The following CCSER1 variants were observed in gnomAD, a reference collection of about 807,000 sequenced individuals.
CCSER1 encodes the protein coiled-coil serine rich protein 1.
In CCSER1, 41 loss-of-function variants were observed where a neutral mutation model predicts 82.0. The observed-to-expected ratio is 0.50, with a 90% CI of 0.39 to 0.65. The LOEUF (loss-of-function observed/expected upper bound fraction) is 0.65. Ranked by LOEUF, CCSER1 falls within the 30% of genes least tolerant of loss-of-function variation. CCSER1 has a pLI of 0.00. For missense variants in CCSER1, 1,119 were observed against 1,064.2 expected (o/e 1.05, Z -0.72); for synonymous variants, 414 against 383.9 (o/e 1.08, Z -0.92).
At chr4:90,848,091 T>G (rs2149910732) in intron 8 of CCSER1, among the ~76,000 whole-genome samples, 1 of 152,322 alleles carries the variant, frequency 6.6e-6, no homozygotes, top group East Asian at 1.9e-4. Flanking sequence ...CATTTGTACT[T>G]CTTACACAAT....
At chr4:90,295,685 A>T (rs1731751936) in intron 1 of CCSER1, among the ~76,000 whole-genome samples, 1 of 151,950 alleles carries the variant, frequency 6.6e-6, no homozygotes, top group Non-Finnish European at 1.5e-5. Context: ...TATATTCCAG[A>T]TATTAATTAT....
intron 5 of CCSER1, among the ~76,000 whole-genome samples, chr4:90,559,054 G>A (rs7657083): frequency 0.47 from 72,025 of 151,950 alleles, 21,537 homozygotes; most frequent in African/African-American, 0.86. Context: ...CCCAGCCCAG[G>A]TCTGCCAGGG....
At chr4:91,085,566 CTTTG>C (rs746354458) in intron 9 of CCSER1, among the ~76,000 whole-genome samples, 43 of 152,144 alleles carry the variant, frequency 2.8e-4, no homozygotes, top group East Asian at 7.7e-4. Context: ...ATCAATCTGA[CTTTG>C]TTTGGGCGCT....
intron 9 of CCSER1, among the ~76,000 whole-genome samples, chr4:91,007,351 T>A (rs1264073468): frequency 6.6e-6 from 1 of 152,222 alleles, no homozygotes; most frequent in Admixed American, 6.5e-5. Context: ...TGAAATAGTT[T>A]GGGAAGAATT....
intron 10 of CCSER1, among the ~76,000 whole-genome samples, chr4:91,393,111 T>C (rs1751761626): frequency 6.6e-6 from 1 of 152,072 alleles, no homozygotes; most frequent in African/African-American, 2.4e-5. Flanking sequence ...CAAATCTGAA[T>C]CATGAATAGG....
At chr4:90,460,941 A>T (rs187723188) in intron 4 of CCSER1, among the ~76,000 whole-genome samples, 97 of 151,926 alleles carry the variant, frequency 6.4e-4, no homozygotes, top group Admixed American at 3.8e-3. Context: ...AGTCCACTAC[A>T]CTGCTACTTC....
intron 10 of CCSER1, among the ~76,000 whole-genome samples, chr4:91,248,663 G>A (rs1368996342): frequency 2.0e-5 from 3 of 152,162 alleles, no homozygotes; most frequent in African/African-American, 4.8e-5. Context: ...GACCTTAGGA[G>A]ACATGATGGT....
chr4:90,723,582 G>T (rs945650413), intron 6 of CCSER1, among the ~76,000 whole-genome samples: 1 of 151,582 alleles, frequency 6.6e-6, no homozygotes, highest in Non-Finnish European at 1.5e-5. Flanking sequence ...AATTATTACA[G>T]ATACAGTTTA....
chr4:90,288,212 G>A (rs919310968), intron 1 of CCSER1, among the ~76,000 whole-genome samples: 5 of 151,874 alleles, frequency 3.3e-5, no homozygotes, highest in Admixed American at 1.3e-4. Flanking sequence ...CTCCCTACAA[G>A]GATCTGGACC....
chr4:91,506,341 T>A (rs976071427), intron 10 of CCSER1, among the ~76,000 whole-genome samples: 2 of 152,154 alleles, frequency 1.3e-5, no homozygotes. Flanking sequence ...CGTAGCCTTG[T>A]ATTCTAGTTT....
intron 8 of CCSER1, among the ~76,000 whole-genome samples, chr4:90,901,332 G>A (rs542977728): frequency 6.6e-6 from 1 of 151,994 alleles, no homozygotes; most frequent in East Asian, 1.9e-4. Context: ...TCCCATCATA[G>A]TATTGTTAGC....
At chr4:91,245,685 GTA>G (rs753900192) in intron 10 of CCSER1, among the ~76,000 whole-genome samples, 1 of 151,676 alleles carries the variant, frequency 6.6e-6, no homozygotes. Context: ...ATATACACGT[GTA>G]TATATATATA....
intron 10 of CCSER1, among the ~76,000 whole-genome samples, chr4:91,377,967 T>C (rs527792083): frequency 1.3e-5 from 2 of 152,362 alleles, no homozygotes; most frequent in South Asian, 2.1e-4. Flanking sequence ...TTTCTACATA[T>C]GGCTAGCCAG....
intron 10 of CCSER1, among the ~76,000 whole-genome samples, chr4:91,294,815 C>T (rs12502057): frequency 0.073 from 11,061 of 151,958 alleles, 461 homozygotes; most frequent in Middle Eastern, 0.15. Context: ...TGTACAGATC[C>T]TATTTTCAAA....
At chr4:91,554,941 C>T (rs1762333942) in intron 10 of CCSER1, among the ~76,000 whole-genome samples, 1 of 151,330 alleles carries the variant, frequency 6.6e-6, no homozygotes, top group South Asian at 2.1e-4. Context: ...GGGAAAAAGA[C>T]AGTTTCTTCA....
intron 6 of CCSER1, among the ~76,000 whole-genome samples, chr4:90,641,630 C>T (rs544677475): frequency 1.6e-4 from 24 of 152,154 alleles, no homozygotes; most frequent in African/African-American, 5.8e-4. Flanking sequence ...AATATTTTGC[C>T]TACTCCTATG....
At chr4:91,043,583 C>CTTTT (rs11364315) in intron 9 of CCSER1, among the ~76,000 whole-genome samples, 95 of 71,580 alleles carry the variant, frequency 1.3e-3, no homozygotes, top group Middle Eastern at 9.8e-3. Context: ...CATCAGCCTT[C>CTTTT]TTTTTTTTTT....
chr4:91,277,328 C>T (rs969750824), intron 10 of CCSER1, among the ~76,000 whole-genome samples: 2 of 151,722 alleles, frequency 1.3e-5, no homozygotes, highest in Non-Finnish European at 3.0e-5. Flanking sequence ...CGGGGCTTGG[C>T]GGAGACTTTT....
chr4:90,653,399 T>C (rs762224320), intron 6 of CCSER1, among the ~76,000 whole-genome samples: 2 of 152,112 alleles, frequency 1.3e-5, no homozygotes, highest in Admixed American at 1.3e-4. Flanking sequence ...TCTGTGCCAA[T>C]GTTATTTTTT....
Sources: gnomAD v4.1 joint callset for allele counts (sites outside exome capture counted in the v4.1 genomes callset) on GRCh38, gnomAD v4.1.1 for gene constraint, MANE v1.5 for transcripts, NCBI Gene and HGNC (gene_info 2026-07-23, HGNC 2026-07-21) for gene names.